Variants in RERE observed in about 807,000 individuals in gnomAD.
RERE encodes the protein arginine-glutamic acid dipeptide repeats.
RERE carries 40 observed loss-of-function variants against 146.1 expected under a neutral mutation model. The ratio of observed to expected loss-of-function variants is 0.27; its 90% CI spans 0.21 to 0.36. The LOEUF (loss-of-function observed/expected upper bound fraction) is 0.36, where lower values mean the gene tolerates loss of function less well. Among genes scored for constraint, RERE ranks in the 10% least tolerant of loss-of-function variants. The probability of loss-of-function intolerance (pLI) is 1.00; values close to 1 mark genes in which losing one functional copy is unlikely to be tolerated. For missense variants in RERE, 1,933 were observed against 2,138.7 expected, an observed-to-expected ratio of 0.90 and a Z score of 1.90; for synonymous variants, 1,003 against 866.0, an observed-to-expected ratio of 1.16 and a Z score of -2.78.
rs2024775 is a variant in RERE at position 8,493,891 on chromosome 1, C to A, written c.1104+1172G>T. Among the ~76,000 whole-genome samples the A allele has an allele frequency of 4.3e-3, 652 of 152,192 alleles. 4 individuals are homozygous for A. Among genetic ancestry groups the A allele is most frequent in the African/African-American group, 0.015 (630 of 41,522 alleles). ...ATTAGCTCTTCAGATTTAATGGTTT[C>A]ACATTAGTAATGATAGAGAGGAATT... On this transcript the variant is annotated intron_variant, in intron 10 of 22. Coordinates refer to ENST00000400908, the MANE Select transcript of RERE (RefSeq NM_001042681.2).
intron 1 of RERE, among the ~76,000 whole-genome samples, chr1:8,774,977 T>C (rs943272628): frequency 6.2e-5 from 8 of 128,380 alleles, no homozygotes; most frequent in African/African-American, 2.4e-4. Context: ...TTTTTTTTTT[T>C]TTTTGAAACA....
intron 11 of RERE, among the ~76,000 whole-genome samples, chr1:8,452,824 C>T (rs1644404192): frequency 1.3e-5 from 2 of 152,174 alleles, no homozygotes; most frequent in Admixed American, 1.3e-4. Context: ...AATGTTTGCT[C>T]TTCACCTTCA....
chr1:8,715,345 C>A (rs989197353), intron 1 of RERE, among the ~76,000 whole-genome samples: 2 of 151,320 alleles, frequency 1.3e-5, no homozygotes, highest in African/African-American at 2.4e-5. Flanking sequence ...AACCCCGTCT[C>A]TACTAAAAAC....
chr1:8,489,998 G>A (rs1179811272), intron 10 of RERE, among the ~76,000 whole-genome samples: 3 of 149,608 alleles, frequency 2.0e-5, no homozygotes, highest in Non-Finnish European at 3.0e-5. Context: ...CGCAGTAAGC[G>A]TAGATCGCAC....
At chr1:8,666,473 CAAA>C (rs1303361504) in intron 1 of RERE, among the ~76,000 whole-genome samples, 3 of 152,214 alleles carry the variant, frequency 2.0e-5, no homozygotes, top group Non-Finnish European at 4.4e-5. Flanking sequence ...AGCAGAAAAC[CAAA>C]CAGGCACCCT....
intron 7 of RERE, among the ~76,000 whole-genome samples, chr1:8,520,901 C>T (rs7545384): frequency 6.6e-6 from 1 of 151,520 alleles, no homozygotes; most frequent in East Asian, 1.9e-4. Flanking sequence ...GAATGAAGCA[C>T]CCCCAGAAAA....
Position 8,356,761 on chromosome 1 carries a change from C to T in RERE, c.4340-515G>A, listed in dbSNP as rs1238911602. Among the ~76,000 whole-genome samples, 3 of 152,294 alleles carry T rather than the reference C, an allele frequency of 2.0e-5. No homozygotes were observed. The highest frequency in any genetic ancestry group is 4.4e-5 in the Non-Finnish European group (3 of 68,022). On this transcript the variant is annotated intron_variant, in intron 20 of 22. Transcript: ENST00000400908. The surrounding 1 kb of genome is among the most constrained non-coding windows in gnomAD (Gnocchi z 5.2). ...CTCCTCTCTGCTGGCACAAATCTTG[C>T]GTCTCTCCCTTCAGAACGTTGCCTT...
In RERE at chr1:8,361,936, A is replaced by G. The variant is rs532327644; in HGVS notation, c.1903-60T>C. On this transcript the variant is annotated intron_variant, in intron 16 of 22. Transcript: ENST00000400908. ...CAAGGGAGACCATCCCATCAGCCTC[A>G]GCAAGGAAATGACGGTTTGCAGACA... 2.0e-5 allele frequency: 25 copies of G among 1,226,106 alleles called. No homozygotes were observed. In the South Asian group the frequency reaches 2.6e-4, roughly 13 times the overall value. 76.0% of individuals were successfully genotyped at this position (1,226,106 alleles called of 1,614,324 possible).
chr1:8,638,707 A>T (rs1328892592), intron 2 of RERE, among the ~76,000 whole-genome samples: 1 of 152,100 alleles, frequency 6.6e-6, no homozygotes, highest in Non-Finnish European at 1.5e-5. Flanking sequence ...CACATTTTTC[A>T]ATTTTATTCC....
chr1:8,518,406 T>C (rs1570380188), intron 7 of RERE, among the ~76,000 whole-genome samples: 1 of 152,218 alleles, frequency 6.6e-6, no homozygotes, highest in Non-Finnish European at 1.5e-5. Context: ...TCTCTCTCCC[T>C]GTCCTTCAGA....
chr1:8,392,070 C>A (rs187386131), intron 12 of RERE, among the ~76,000 whole-genome samples: 292 of 152,324 alleles, frequency 1.9e-3, no homozygotes, highest in Non-Finnish European at 3.4e-3. Context: ...GGGAACATGT[C>A]TTTTGTTTAT....
chr1:8,519,612 T>C (rs866648742), intron 7 of RERE: 3 of 152,142 alleles, frequency 2.0e-5, no homozygotes, highest in African/African-American at 7.2e-5. Context: ...ATAGTACCTA[T>C]TGCTTAGGGG....
chr1:8,728,499 G>A (rs562834445), intron 1 of RERE, among the ~76,000 whole-genome samples: 1 of 150,624 alleles, frequency 6.6e-6, no homozygotes, highest in South Asian at 2.1e-4. Context: ...CATGTTTAGA[G>A]CGAAAAAGTC....
rs140896582 is a variant in RERE, at chr1:8,788,494, A to T, written c.-145+28666T>A. Among the ~76,000 whole-genome samples the T allele has an allele frequency of 7.0e-3, 1,060 of 151,646 alleles. 9 individuals are homozygous for T. Among genetic ancestry groups the T allele is most frequent in the African/African-American group, 0.024 (1,005 of 41,298 alleles). ...ATTCTCCTGCCTTAGCCTCCTCAGC[A>T]GCTGGGATTACAGATGTGTGCCACC... On this transcript the variant is annotated intron_variant, in intron 1 of 22. Transcript: ENST00000400908.
intron 4 of RERE, among the ~76,000 whole-genome samples, chr1:8,573,478 C>T (rs1646249180): frequency 6.6e-6 from 1 of 152,150 alleles, no homozygotes; most frequent in Admixed American, 6.5e-5. Context: ...CGCCCTAGTT[C>T]ACTTATTTTA....
At chr1:8,417,803 C>T (rs1222574550) in intron 12 of RERE, among the ~76,000 whole-genome samples, 3 of 152,232 alleles carry the variant, frequency 2.0e-5, no homozygotes, top group African/African-American at 7.2e-5. Flanking sequence ...AGTTCTACTG[C>T]ATCCGCTTAT....
At chr1:8,538,987 T>C (rs771731489) in intron 7 of RERE, among the ~76,000 whole-genome samples, 7 of 152,234 alleles carry the variant, frequency 4.6e-5, no homozygotes, top group Non-Finnish European at 1.0e-4. Flanking sequence ...AAGTTACATA[T>C]TACTTTTAAT....
intron 1 of RERE, among the ~76,000 whole-genome samples, chr1:8,697,589 C>A (rs566709533): frequency 6.6e-6 from 1 of 152,100 alleles, no homozygotes; most frequent in African/African-American, 2.4e-5. Flanking sequence ...ATGTTTTTCA[C>A]CATGTTAGCC....
intron 4 of RERE, among the ~76,000 whole-genome samples, chr1:8,582,386 TTC>T (rs200181058): frequency 6.6e-6 from 1 of 151,674 alleles, no homozygotes; most frequent in Non-Finnish European, 1.5e-5. Context: ...TTTTTTTTTT[TTC>T]TCTCTCTTTC....
Sources: allele counts gnomAD v4.1 joint callset (sites outside exome capture counted in the v4.1 genomes callset), GRCh38; gene constraint gnomAD v4.1.1; non-coding constraint Gnocchi (gnomAD v3.1); transcripts MANE v1.5; gene names NCBI Gene and HGNC (gene_info 2026-07-23, HGNC 2026-07-21).